Variants in ST8SIA4 observed in about 807,000 individuals in gnomAD.
ST8SIA4 encodes the protein CMP-N-acetylneuraminate-poly-alpha-2,8-sialyltransferase.
Under a neutral mutation model 33.9 loss-of-function variants are expected in ST8SIA4, and 15 were observed. The observed-to-expected ratio is 0.44, with a 90% CI of 0.30 to 0.68. ST8SIA4 has a LOEUF of 0.68. ST8SIA4 is among the 30% of genes least tolerant of loss of function. The pLI is 0.10. For synonymous variants in ST8SIA4, 171 were observed against 151.2 expected (o/e 1.13, Z -0.96); for missense variants, 321 against 428.0 (o/e 0.75, Z 2.21).
intron 3 of ST8SIA4, among the ~76,000 whole-genome samples, chr5:100,872,062 G>C (rs899866724): frequency 1.3e-5 from 2 of 151,886 alleles, no homozygotes; most frequent in African/African-American, 4.8e-5. Context: ...GCAGATACGT[G>C]AATACAAACC....
chr5:100,869,490 T>A (rs1009817236), intron 3 of ST8SIA4, among the ~76,000 whole-genome samples: 1 of 152,190 alleles, frequency 6.6e-6, no homozygotes, highest in African/African-American at 2.4e-5. Flanking sequence ...GATCTGAATG[T>A]CATCACTTTT....
At chr5:100,820,590 G>A (rs929206431) in intron 4 of ST8SIA4, among the ~76,000 whole-genome samples, 2 of 152,056 alleles carry the variant, frequency 1.3e-5, no homozygotes, top group Non-Finnish European at 2.9e-5. Flanking sequence ...TAAAGCTAAT[G>A]TAAGAGAATG....
At chr5:100,827,547 A>C (rs1470905888) in intron 4 of ST8SIA4, among the ~76,000 whole-genome samples, 2 of 152,230 alleles carry the variant, frequency 1.3e-5, no homozygotes, top group Non-Finnish European at 2.9e-5. Flanking sequence ...TCCACCATGG[A>C]AACAGTTTGA....
intron 3 of ST8SIA4, among the ~76,000 whole-genome samples, chr5:100,873,035 C>T (rs1389628583): frequency 1.3e-5 from 2 of 152,100 alleles, no homozygotes; most frequent in Non-Finnish European, 1.5e-5. Context: ...CAAGTTCTGA[C>T]ATTCTGTAGT....
At chr5:100,865,887 C>T (rs934067903) in intron 3 of ST8SIA4, among the ~76,000 whole-genome samples, 1 of 152,042 alleles carries the variant, frequency 6.6e-6, no homozygotes, top group Non-Finnish European at 1.5e-5. Flanking sequence ...GTCTTACAAT[C>T]TTTAGTCTCA....
chr5:100,899,829 T>C (rs1412580762), intron 1 of ST8SIA4, among the ~76,000 whole-genome samples: 1 of 152,198 alleles, frequency 6.6e-6, no homozygotes, highest in Non-Finnish European at 1.5e-5. Context: ...ACTAAGAAAG[T>C]AAAGTTAGTC....
intron 3 of ST8SIA4, among the ~76,000 whole-genome samples, chr5:100,884,374 A>G (rs1423691504): frequency 6.6e-6 from 1 of 152,218 alleles, no homozygotes; most frequent in Non-Finnish European, 1.5e-5. Flanking sequence ...CTGCTTGGCC[A>G]GTGAAAGAGA....
rs771348418 is a variant in ST8SIA4 at position 100,886,333 on chromosome 5, GAA to G, written c.503+8_503+9del. The G allele has an allele frequency of 6.2e-7, 1 of 1,607,664 alleles. No individual in the cohort carries two copies. The highest frequency in any genetic ancestry group is 1.1e-5 in the South Asian group (1 of 90,470). ...AAACTTACAATCTCAAAAAGCAGAA[GAA>G]AGCTCACCTTATTACAAAATTGTGA... is the stretch of plus-strand genomic sequence containing the variant. On this transcript the variant is annotated splice_region_variant and intron_variant, in intron 3 of 4. Coordinates refer to ENST00000231461, the MANE Select transcript of ST8SIA4 (RefSeq NM_005668.6).
At chr5:100,866,616 A>T (rs1752067431) in intron 3 of ST8SIA4, among the ~76,000 whole-genome samples, 1 of 151,772 alleles carries the variant, frequency 6.6e-6, no homozygotes. Flanking sequence ...ACACACAAAT[A>T]CATATTATAT....
intron 4 of ST8SIA4, chr5:100,816,698 A>T (rs539007134): frequency 2.2e-6 from 1 of 445,502 alleles, no homozygotes; most frequent in Admixed American, 3.1e-5. Context: ...ATTATAAGCA[A>T]AGTTTCCATT....
chr5:100,840,833 CA>C (rs1259794482), intron 4 of ST8SIA4, among the ~76,000 whole-genome samples: 25 of 151,128 alleles, frequency 1.7e-4, no homozygotes, highest in Admixed American at 1.5e-3. Context: ...ATATTCCAAA[CA>C]ATAAAAACAA....
At chr5:100,885,267 C>T in intron 3 of ST8SIA4, 2 of 735,058 alleles carry the variant, frequency 2.7e-6, no homozygotes, top group Non-Finnish European at 3.3e-6. Context: ...ATTGATTTCA[C>T]ATTAATCTCT....
chr5:100,846,551 A>G (rs1751577059), intron 4 of ST8SIA4, among the ~76,000 whole-genome samples: 3 of 151,992 alleles, frequency 2.0e-5, no homozygotes, highest in Admixed American at 2.0e-4. Flanking sequence ...GAGAGCAGAA[A>G]CCCAGGTCAA....
intron 3 of ST8SIA4, among the ~76,000 whole-genome samples, chr5:100,864,594 A>G (rs1296761648): frequency 2.7e-5 from 4 of 150,212 alleles, no homozygotes; most frequent in South Asian, 4.2e-4. Flanking sequence ...AAAAAAAAAA[A>G]AAAAAAAAAG....
intron 3 of ST8SIA4, among the ~76,000 whole-genome samples, chr5:100,872,685 T>C (rs1004349013): frequency 2.6e-5 from 4 of 152,052 alleles, no homozygotes; most frequent in Non-Finnish European, 5.9e-5. Flanking sequence ...TCCACCATTA[T>C]TGTAAGTTTC....
intron 4 of ST8SIA4, among the ~76,000 whole-genome samples, chr5:100,838,684 G>T (rs1751411809): frequency 6.6e-6 from 1 of 151,972 alleles, no homozygotes; most frequent in Admixed American, 6.6e-5. Flanking sequence ...CTATAAGAAT[G>T]TAATTAATTT....
chr5:100,816,966 A>C (rs2548275), intron 4 of ST8SIA4, among the ~76,000 whole-genome samples: 8 of 149,040 alleles, frequency 5.4e-5, no homozygotes, highest in South Asian at 2.1e-4. Flanking sequence ...ACAGAGTCTC[A>C]CTCTGTCGCT....
chr5:100,880,973 T>C (rs1752409356), intron 3 of ST8SIA4, among the ~76,000 whole-genome samples: 1 of 152,202 alleles, frequency 6.6e-6, no homozygotes, highest in Non-Finnish European at 1.5e-5. Flanking sequence ...ATATCTACAT[T>C]CACTAAATTT....
chr5:100,856,050 G>C (rs1015806415), intron 4 of ST8SIA4, 53 bp downstream of exon 4: 5 of 1,514,958 alleles, frequency 3.3e-6, no homozygotes, highest in Non-Finnish European at 4.5e-6. Flanking sequence ...AAAATGTTTA[G>C]TTATATGTGT....
Sources: gnomAD v4.1 joint callset for allele counts (sites outside exome capture counted in the v4.1 genomes callset) on GRCh38, gnomAD v4.1.1 for gene constraint, MANE v1.5 for transcripts, NCBI Gene and HGNC (gene_info 2026-07-23, HGNC 2026-07-21) for gene names.